OTX2: variants seen among roughly 807,000 people sequenced by gnomAD.
OTX2 encodes the protein homeobox protein OTX2.
OTX2 carries 4 observed loss-of-function variants against 29.0 expected under a neutral mutation model. The observed-to-expected ratio is 0.14, with a 90% CI of 0.07 to 0.32. The LOEUF (loss-of-function observed/expected upper bound fraction) is 0.32, where lower values mean the gene tolerates loss of function less well. Ranked by LOEUF, OTX2 falls within the 10% of genes least tolerant of loss-of-function variation. The probability of loss-of-function intolerance (pLI) is 1.00; values close to 1 mark genes in which losing one functional copy is unlikely to be tolerated. For missense variants in OTX2, 298 were observed against 365.9 expected (o/e 0.81, Z 1.51); for synonymous variants, 134 against 141.0 (o/e 0.95, Z 0.35).
intron 2 of OTX2, among the ~76,000 whole-genome samples, chr14:56,807,937 G>C (rs971525098): frequency 1.3e-5 from 2 of 151,932 alleles, no homozygotes; most frequent in African/African-American, 2.4e-5. Context: ...CCGCACCTCC[G>C]GGCGCGAGTG....
At chr14:56,806,945 A>G (rs1475354667) in intron 2 of OTX2, among the ~76,000 whole-genome samples, 1 of 152,120 alleles carries the variant, frequency 6.6e-6, no homozygotes, top group East Asian at 1.9e-4. Flanking sequence ...TTGCTTCAAA[A>G]TGGCGGATAC....
At position 56,804,343 on chromosome 14, in the gene OTX2, C is replaced by A; in HGVS notation, c.118G>T (p.Ala40Ser). The A allele has an allele frequency of 6.2e-7, 1 of 1,613,816 alleles. No homozygotes were observed. The highest frequency in any genetic ancestry group is 8.5e-7 in the Non-Finnish European group (1 of 1,179,978). ...GYPGPWASCPAATPRKQRRER... is the reference protein window; with the variant it reads ...GYPGPWASCPSATPRKQRRER... The stretch of plus-strand genomic sequence containing the variant: ...CGGCGCTGTTTCCGGGGGGTGGCTG[C>A]GGGACAAGAAGCCCAGGGCCCTTTA... The change falls in exon 4 of 5, where the codon GCA (alanine) becomes TCA (serine). Residue 40 changes from alanine (A) to serine (S), a missense_variant. Physicochemically the swap from Ala to Ser is moderately conservative, Grantham distance 99. This residue lies in a region of OTX2 where 50 missense variants were observed against 57.6 expected (regional missense o/e 0.87). Coordinates refer to ENST00000672264, the MANE Select transcript of OTX2 (RefSeq NM_021728.4). The surrounding 1 kb of genome is among the most constrained non-coding windows in gnomAD (Gnocchi z 4.1).
rs761862286 is a variant in OTX2, at chr14:56,802,263, C to T, written c.366G>A (p.Lys122=). The T allele has an allele frequency of 1.3e-5, 21 of 1,614,138 alleles. No individual in the cohort carries two copies. The highest frequency in any genetic ancestry group is 1.8e-5 in the Non-Finnish European group (21 of 1,180,024). The change falls in exon 5 of 5, where the codon AAG becomes AAA. Residue 122 remains lysine (K), a synonymous_variant. Transcript: ENST00000672264. The surrounding 1 kb of genome is among the most constrained non-coding windows in gnomAD (Gnocchi z 4.4). ...AACTCACTTCCCGAGCTGGAGATGT[C>T]TTCTTTTTGGCAGGTCTCACTTTGT... ...GQNKVRPAKK[K]TSPAREVSSE...
intron 2 of OTX2, among the ~76,000 whole-genome samples, chr14:56,806,933 G>T (rs1892107720): frequency 1.3e-5 from 2 of 152,056 alleles, no homozygotes; most frequent in Admixed American, 1.3e-4. Flanking sequence ...CACCATGAGA[G>T]ATTGCTTCAA....
rs142727455 is a variant in OTX2 at position 56,801,419 on chromosome 14, C to T, written c.*316G>A. The T allele has an allele frequency of 2.7e-4, 110 of 407,746 alleles. No homozygotes were observed. In the East Asian group the frequency reaches 5.8e-3, roughly 21 times the overall value. 25.3% of individuals were successfully genotyped at this position (407,746 alleles called of 1,614,324 possible). ...TGACCTTCCCTCCCTTCCTTCACAA[C>T]TTAGTTTTGTTTGATTTTATTTTTG... On this transcript the variant is annotated 3_prime_UTR_variant, in exon 5 of 5. Transcript: ENST00000672264. The surrounding 1 kb of genome is among the most constrained non-coding windows in gnomAD (Gnocchi z 4.2).
chr14:56,801,748 A>G lies in OTX2; in HGVS notation c.881T>C (p.Phe294Ser), dbSNP rs774680300. 13 of 1,614,098 alleles carry G rather than the reference A, an allele frequency of 8.1e-6. No homozygotes were observed. Among genetic ancestry groups the G allele is most frequent in the Non-Finnish European group, 1.1e-5 (13 of 1,180,030 alleles). ...TTCTACAGGTCTTCACAAAACCTGG[A>G]ATTTCCACGAGGATGTCTGATCTTT... is the stretch of plus-strand genomic sequence containing the variant. ...DYKDQTSSWK[F>S]QVL Residue 294 changes from phenylalanine to serine, a missense_variant, in exon 5 of 5, where the codon TTC becomes TCC. Around this residue, in one of 3 missense-constraint regions of OTX2, gnomAD observed 219 missense variants for 223.5 expected, o/e 0.98. Transcript: ENST00000672264. The surrounding 1 kb of genome is among the most constrained non-coding windows in gnomAD (Gnocchi z 4.2).
chr14:56,800,469 A>G lies in OTX2; in HGVS notation c.*1266T>C, dbSNP rs1050910846. On this transcript the variant is annotated 3_prime_UTR_variant, in exon 5 of 5. Coordinates refer to ENST00000672264, the MANE Select transcript of OTX2 (RefSeq NM_021728.4). ...GTAGGGAGGGAAAAGCAAGGAAAAC[A>G]AGATCTTGTTGTTAGGCTCTCCAAA... 1 of 152,230 alleles carries G rather than the reference A, an allele frequency of 6.6e-6. No individual in the cohort carries two copies. The highest frequency in any genetic ancestry group is 1.5e-5 in the Non-Finnish European group (1 of 68,038). The allele number at this position is 152,230 out of a possible 1,614,324, so 9.4% of individuals were successfully genotyped here.
chr14:56,803,951 C>T (rs1891982733), intron 4 of OTX2, among the ~76,000 whole-genome samples: 1 of 152,194 alleles, frequency 6.6e-6, no homozygotes, highest in Non-Finnish European at 1.5e-5. Flanking sequence ...GAAACCTGCT[C>T]AAGGATGGGT....
rs1891820122 is a variant in OTX2 at position 56,799,945 on chromosome 14, A to G, written c.*1790T>C. On this transcript the variant is annotated 3_prime_UTR_variant, in exon 5 of 5. Transcript: ENST00000672264. ...ACCTTCATTTAAAACGTTACAATCA[A>G]GAGTCACTTAATTTTGGTCAGCTGT... The G allele has an allele frequency of 6.6e-6, 1 of 152,232 alleles. No homozygotes were observed. Among genetic ancestry groups the G allele is most frequent in the Non-Finnish European group, 1.5e-5 (1 of 68,034 alleles). 9.4% of individuals were successfully genotyped at this position (152,232 alleles called of 1,614,324 possible). A position where few individuals can be genotyped will look rare whatever the true frequency, so the allele number is the denominator to read the frequency against.
At chr14:56,805,773 G>T (rs1410946801) in intron 2 of OTX2, 198 bp from the exon 3 acceptor site, 2 of 246,384 alleles carry the variant, frequency 8.1e-6, no homozygotes, top group Non-Finnish European at 1.5e-5. Flanking sequence ...GATGGAAGGA[G>T]ACCAGATAAA....
rs1175318513 is a variant in OTX2 at position 56,801,321 on chromosome 14, G to C, written c.*414C>G. On this transcript the variant is annotated 3_prime_UTR_variant, in exon 5 of 5. Transcript: ENST00000672264. This position sits in a 1 kb window ranked among gnomAD's most constrained non-coding sequence, Gnocchi z 4.2. ...TTGGTCATGAAACGTGAATGAGCTTGAGACACTGTTCATTCCTAAGATTCA... is the reference window on the plus strand; with the variant it reads ...TTGGTCATGAAACGTGAATGAGCTTCAGACACTGTTCATTCCTAAGATTCA... The C allele has an allele frequency of 1.1e-5, 3 of 264,152 alleles. No individual in the cohort carries two copies. The highest frequency in any genetic ancestry group is 4.4e-5 in the African/African-American group (2 of 45,328). The allele number at this position is 264,152 out of a possible 1,614,324, so 16.4% of individuals were successfully genotyped here.
Position 56,802,221 on chromosome 14 carries a change from A to G in OTX2, c.408T>C (p.Ser136=). 4 of 1,613,950 alleles carry G rather than the reference A, an allele frequency of 2.5e-6. No homozygotes were observed. The highest frequency in any genetic ancestry group is 3.4e-6 in the Non-Finnish European group (4 of 1,179,986). The change falls in exon 5 of 5, where the codon AGT becomes AGC. Residue 136 remains serine (S), a synonymous_variant. Transcript: ENST00000672264. The surrounding 1 kb of genome is among the most constrained non-coding windows in gnomAD (Gnocchi z 4.4). ...TGCTAGAGGGGGGAGTGAATTGGCC[A>G]CTTGTTCCACTCTCTGAACTCACTT... The part of the protein sequence containing the change: ...AREVSSESGT[S]GQFTPPSSTS...
rs1348444642 is a variant in OTX2 at position 56,810,224 on chromosome 14, T to C, written c.-183-2A>G. The C allele has an allele frequency of 6.6e-6, 1 of 152,146 alleles. No homozygotes were observed. The highest frequency in any genetic ancestry group is 2.4e-5 in the African/African-American group (1 of 41,410). The allele number at this position is 152,146 out of a possible 1,614,324, so 9.4% of individuals were successfully genotyped here. A position where few individuals can be genotyped will look rare whatever the true frequency, so the allele number is the denominator to read the frequency against. On this transcript the variant is annotated splice_acceptor_variant, in intron 1 of 4. Transcript: ENST00000672264. LOFTEE classifies it low-confidence loss of function (5UTR_SPLICE). The stretch of plus-strand genomic sequence containing the variant: ...TTAAATTCCAAATAGCCAGCTATCC[T>C]AAAAGAAATCAAGAGTATTGAGTTA...
intron 2 of OTX2, among the ~76,000 whole-genome samples, chr14:56,809,395 T>A (rs1892200291): frequency 6.6e-6 from 1 of 152,128 alleles, no homozygotes; most frequent in Admixed American, 6.5e-5. Flanking sequence ...CAGGGTGGTT[T>A]GGATTTTGGG....
chr14:56,810,264 T>G (rs1232733692), intron 1 of OTX2, 42 bp from the exon 2 acceptor site: 3 of 152,186 alleles, frequency 2.0e-5, no homozygotes, highest in African/African-American at 7.2e-5. Flanking sequence ...CCTTGCAGTC[T>G]TCACCCTTCC....
At position 56,804,820 on chromosome 14, in the gene OTX2, G is replaced by A. The variant is rs564646909; in HGVS notation, c.98-457C>T. Among the ~76,000 whole-genome samples, 4 of 152,112 alleles carry A rather than the reference G, an allele frequency of 2.6e-5. No homozygotes were observed. Among genetic ancestry groups the A allele is most frequent in the African/African-American group, 9.6e-5 (4 of 41,502 alleles). On this transcript the variant is annotated intron_variant, in intron 3 of 4. Coordinates refer to ENST00000672264, the MANE Select transcript of OTX2 (RefSeq NM_021728.4). This position sits in a 1 kb window ranked among gnomAD's most constrained non-coding sequence, Gnocchi z 4.1. ...AATGGGGACATAGTTCATACTCCTGGGAGGATTTTTAAACATATCTGATTG... is the reference window on the plus strand; with the variant it reads ...AATGGGGACATAGTTCATACTCCTGAGAGGATTTTTAAACATATCTGATTG...
At position 56,801,540 on chromosome 14, in the gene OTX2, G is replaced by A; in HGVS notation, c.*195C>T. 1 of 622,972 alleles carries A rather than the reference G, an allele frequency of 1.6e-6. No individual in the cohort carries two copies. 38.6% of individuals were successfully genotyped at this position (622,972 alleles called of 1,614,324 possible). On this transcript the variant is annotated 3_prime_UTR_variant, in exon 5 of 5. Coordinates refer to ENST00000672264, the MANE Select transcript of OTX2 (RefSeq NM_021728.4). This position sits in a 1 kb window ranked among gnomAD's most constrained non-coding sequence, Gnocchi z 4.2. ...ACTATGACAGGATCTTAAGCAGATT[G>A]GTTTGTCCATTTCATGTTGCTGGTT... is the stretch of plus-strand genomic sequence containing the variant.
In OTX2 at chr14:56,801,682, T is replaced by C. The variant is rs1594951793; in HGVS notation, c.*53A>G. 1 of 1,589,722 alleles carries C rather than the reference T, an allele frequency of 6.3e-7. No individual in the cohort carries two copies. The highest frequency in any genetic ancestry group is 2.2e-5 in the East Asian group (1 of 44,776). On this transcript the variant is annotated 3_prime_UTR_variant, in exon 5 of 5. Coordinates refer to ENST00000672264, the MANE Select transcript of OTX2 (RefSeq NM_021728.4). The surrounding 1 kb of genome is among the most constrained non-coding windows in gnomAD (Gnocchi z 4.2). ...AACCAATGCCTGGCTAAAACTGGAA[T>C]GTCCAGCCCAGTATATTTAAAAATC...
At chr14:56,806,549 C>G (rs917954626) in intron 2 of OTX2, among the ~76,000 whole-genome samples, 3 of 152,220 alleles carry the variant, frequency 2.0e-5, no homozygotes, top group African/African-American at 7.2e-5. Context: ...GTGGAGGCTG[C>G]AGATCCTGCG....
Sources: gnomAD v4.1 joint callset for allele counts (sites outside exome capture counted in the v4.1 genomes callset) on GRCh38, gnomAD v4.1.1 for gene constraint, gnomAD v4.1.1 regional missense constraint, Gnocchi (gnomAD v3.1) non-coding constraint, MANE v1.5 for transcripts, NCBI Gene and HGNC (gene_info 2026-07-23, HGNC 2026-07-21) for gene names.